PMEPA1: variants seen among roughly 807,000 people sequenced by gnomAD.
The protein encoded by PMEPA1 is prostate transmembrane protein, androgen induced 1.
Under a neutral mutation model 23.0 loss-of-function variants are expected in PMEPA1, and 11 were observed. The observed-to-expected ratio is 0.48, with a 90% CI of 0.30 to 0.79. The LOEUF (loss-of-function observed/expected upper bound fraction) is 0.79. Among genes scored for constraint, PMEPA1 ranks in the 30% least tolerant of loss-of-function variants. The pLI is 0.06. For synonymous variants in PMEPA1, 204 were observed against 166.4 expected, an observed-to-expected ratio of 1.23 and a Z score of -1.74; for missense variants, 377 against 390.9, an observed-to-expected ratio of 0.96 and a Z score of 0.30.
chr20:57,698,823 A>C (rs994372103), intron 1 of PMEPA1, among the ~76,000 whole-genome samples: 2 of 152,176 alleles, frequency 1.3e-5, no homozygotes, highest in African/African-American at 4.8e-5. Flanking sequence ...AGGCACACAC[A>C]CACACACAGA....
intron 1 of PMEPA1, among the ~76,000 whole-genome samples, chr20:57,676,082 G>A (rs1213696480): frequency 2.0e-5 from 3 of 152,242 alleles, no homozygotes; most frequent in African/African-American, 7.2e-5. Context: ...CTGACCAACT[G>A]TTCTGCGAAG....
intron 1 of PMEPA1, among the ~76,000 whole-genome samples, chr20:57,703,223 C>A: frequency 6.6e-6 from 1 of 152,332 alleles, no homozygotes; most frequent in Admixed American, 6.5e-5. Flanking sequence ...ACCGGCCCCT[C>A]CCCGGCCCTC....
At chr20:57,690,873 C>T (rs775396349) in intron 1 of PMEPA1, among the ~76,000 whole-genome samples, 8 of 152,156 alleles carry the variant, frequency 5.3e-5, no homozygotes, top group Non-Finnish European at 1.0e-4. Flanking sequence ...TTCCTGCACT[C>T]GCCCCATTTC....
chr20:57,667,330 G>C (rs1285669447), intron 1 of PMEPA1, among the ~76,000 whole-genome samples: 1 of 152,188 alleles, frequency 6.6e-6, no homozygotes, highest in African/African-American at 2.4e-5. Flanking sequence ...GGCTGTAAAC[G>C]GGGAGAGGGT....
intron 1 of PMEPA1, among the ~76,000 whole-genome samples, chr20:57,675,129 C>T (rs941362984): frequency 1.3e-5 from 2 of 151,788 alleles, no homozygotes; most frequent in South Asian, 2.1e-4. Context: ...ATCTGAGGCT[C>T]GGAGAGGTGC....
At chr20:57,679,295 T>A (rs1242263273) in intron 1 of PMEPA1, among the ~76,000 whole-genome samples, 1 of 152,170 alleles carries the variant, frequency 6.6e-6, no homozygotes, top group Non-Finnish European at 1.5e-5. Context: ...AAACCCTACC[T>A]CCTGGGGCAT....
chr20:57,663,334 A>G (rs2071448690), intron 1 of PMEPA1, among the ~76,000 whole-genome samples: 1 of 152,086 alleles, frequency 6.6e-6, no homozygotes, highest in African/African-American at 2.4e-5. Context: ...AGGGAAGCAC[A>G]GTGGCTCTCT....
chr20:57,684,708 C>T (rs1408573345), intron 1 of PMEPA1, among the ~76,000 whole-genome samples: 3 of 152,152 alleles, frequency 2.0e-5, no homozygotes, highest in East Asian at 1.9e-4. Flanking sequence ...AAACCTCGGA[C>T]GCATTCAACT....
chr20:57,652,187 A>G lies in PMEPA1; in HGVS notation c.730T>C (p.Phe244Leu). 6.2e-7 allele frequency: 1 copy of G among 1,610,030 alleles called. No homozygotes were observed. The highest frequency in any genetic ancestry group is 1.3e-5 in the African/African-American group (1 of 75,026). Residue 244 changes from phenylalanine (F) to leucine (L), a missense_variant, in exon 4 of 4, where the codon TTC (phenylalanine) becomes CTC (leucine). By Grantham distance (22) the Phe-to-Leu change is conservative (BLOSUM62 0). Around this residue, in one of 3 missense-constraint regions of PMEPA1, gnomAD observed 176 missense variants for 173.0 expected, o/e 1.02. Coordinates refer to ENST00000341744, the MANE Select transcript of PMEPA1 (RefSeq NM_020182.5). This position sits in a 1 kb window ranked among gnomAD's most constrained non-coding sequence, Gnocchi z 6.1. ...GGCCCACTGCTCTGCTGGTGCTGGA[A>G]GGAGGACCCCGGGTAGTGGCCGATG... ...EVIGHYPGSS[F>L]QHQQSSGPPS...
rs1555882194 is a variant in PMEPA1, at chr20:57,683,562, T to TGTGTGC, written c.110-23866_110-23865insGCACAC. Among the ~76,000 whole-genome samples the TGTGTGC allele has an allele frequency of 0.016, 2,142 of 131,202 alleles. 60 individuals carry two copies. The highest frequency in any genetic ancestry group is 0.066 in the African/African-American group (2,030 of 30,912). The allele number at this position is 131,202 out of a possible 152,430, so 86.1% of individuals were successfully genotyped here. A position where few individuals can be genotyped will look rare whatever the true frequency, so the allele number is the denominator to read the frequency against. On this transcript the variant is annotated intron_variant, in intron 1 of 3. Coordinates refer to ENST00000341744, the MANE Select transcript of PMEPA1 (RefSeq NM_020182.5). This position sits in a 1 kb window ranked among gnomAD's most constrained non-coding sequence, Gnocchi z 4.3. ...GTGTTCTGGCCTGTGTGCGTGTGTG[T>TGTGTGC]GTGTGTGTGTGTGTGTGTGTGTTTC...
At chr20:57,675,077 A>C (rs2071618061) in intron 1 of PMEPA1, among the ~76,000 whole-genome samples, 2 of 152,152 alleles carry the variant, frequency 1.3e-5, no homozygotes, top group Admixed American at 1.3e-4. Context: ...GCTTCCCAGG[A>C]AGTACGCTTG....
Position 57,709,983 on chromosome 20 carries a change from A to G in PMEPA1, c.-401T>C. The G allele has an allele frequency of 1.0e-6, 1 of 991,076 alleles. No individual in the cohort carries two copies. The allele number at this position is 991,076 out of a possible 1,614,324, so 61.4% of individuals were successfully genotyped here. A position where few individuals can be genotyped will look rare whatever the true frequency, so the allele number is the denominator to read the frequency against. ...TCCAAGGAGATCGGGTTTCGCTCCGAGACCGCGGTCGGAGGCAGGCAGACG... is the reference window on the plus strand; with the variant it reads ...TCCAAGGAGATCGGGTTTCGCTCCGGGACCGCGGTCGGAGGCAGGCAGACG... On this transcript the variant is annotated 5_prime_UTR_variant, in exon 1 of 4. Transcript: ENST00000341744.
intron 1 of PMEPA1, among the ~76,000 whole-genome samples, chr20:57,709,268 G>A (rs2072130578): frequency 6.7e-6 from 1 of 148,252 alleles, no homozygotes; most frequent in African/African-American, 2.4e-5. Flanking sequence ...GCCGTGCCAG[G>A]CTCGCAGCGC....
intron 1 of PMEPA1, among the ~76,000 whole-genome samples, chr20:57,691,513 C>G (rs1311352984): frequency 6.6e-6 from 1 of 152,160 alleles, no homozygotes; most frequent in Non-Finnish European, 1.5e-5. Context: ...GGGACAGGCA[C>G]CACTGGCACC....
At chr20:57,684,606 C>T (rs2146687131) in intron 1 of PMEPA1, among the ~76,000 whole-genome samples, 1 of 152,344 alleles carries the variant, frequency 6.6e-6, no homozygotes, top group East Asian at 1.9e-4. Flanking sequence ...GGAGACCCTC[C>T]ACCCCCATAG....
At chr20:57,661,102 G>A (rs1023464116) in intron 1 of PMEPA1, among the ~76,000 whole-genome samples, 1 of 152,352 alleles carries the variant, frequency 6.6e-6, no homozygotes, top group South Asian at 2.1e-4. Flanking sequence ...GGCTGCGGAT[G>A]TTGCCATTCG....
intron 1 of PMEPA1, chr20:57,690,255 G>A (rs1600664811): frequency 4.5e-6 from 2 of 446,706 alleles, no homozygotes; most frequent in Non-Finnish European, 9.1e-6. Flanking sequence ...GCGAAGAGAC[G>A]CTGGGCAGCG....
At chr20:57,672,736 G>C (rs753443123) in intron 1 of PMEPA1, among the ~76,000 whole-genome samples, 56 of 152,178 alleles carry the variant, frequency 3.7e-4, no homozygotes, top group Admixed American at 6.5e-4. Context: ...CAGGCCCCTT[G>C]CACCATCGGG....
intron 1 of PMEPA1, among the ~76,000 whole-genome samples, chr20:57,687,533 C>T (rs1053549201): frequency 3.3e-5 from 5 of 152,194 alleles, no homozygotes; most frequent in African/African-American, 1.2e-4. Context: ...CTCAAAGAGC[C>T]CAGCCCTGCC....
Sources: gnomAD v4.1 joint callset for allele counts (sites outside exome capture counted in the v4.1 genomes callset) on GRCh38, gnomAD v4.1.1 for gene constraint, gnomAD v4.1.1 regional missense constraint, Gnocchi (gnomAD v3.1) non-coding constraint, MANE v1.5 for transcripts, NCBI Gene and HGNC (gene_info 2026-07-23, HGNC 2026-07-21) for gene names.